BIN1: variants seen among roughly 807,000 people sequenced by gnomAD.
BIN1 encodes the protein myc box-dependent-interacting protein 1.
In BIN1, 53 loss-of-function variants were observed where a neutral mutation model predicts 82.0. The observed-to-expected ratio is 0.65, with a 90% CI of 0.52 to 0.81. The LOEUF (loss-of-function observed/expected upper bound fraction) is 0.81. BIN1 is among the 40% of genes least tolerant of loss of function. BIN1 has a pLI of 0.00. For missense variants in BIN1, 642 were observed against 784.4 expected, an observed-to-expected ratio of 0.82 and a Z score of 2.17; for synonymous variants, 302 against 328.0, an observed-to-expected ratio of 0.92 and a Z score of 0.86.
intron 18 of BIN1, among the ~76,000 whole-genome samples, chr2:127,049,378 A>G (rs1682587280): frequency 6.6e-6 from 1 of 152,026 alleles, no homozygotes; most frequent in African/African-American, 2.4e-5. Flanking sequence ...GGCTTAGGAG[A>G]AAGGGCCAAA....
rs1685447194 is a variant in BIN1 at position 127,068,499 on chromosome 2, GC to G, written c.520-245del. 1.3e-5 allele frequency among the ~76,000 whole-genome samples: 2 copies of G among 152,148 alleles called. No individual in the cohort carries two copies. Among genetic ancestry groups the G allele is most frequent in the South Asian group, 4.1e-4 (2 of 4,832 alleles). On this transcript the variant is annotated intron_variant, in intron 6 of 18. Coordinates refer to ENST00000316724, the MANE Select transcript of BIN1 (RefSeq NM_139343.3). The surrounding 1 kb of genome is among the most constrained non-coding windows in gnomAD (Gnocchi z 4.9). ...CAGCACAGGGGGCCCAGCAAGCACG[GC>G]CCTGCCCGGAGGACGGGGCCACCCC...
chr2:127,105,160 C>T (rs1297025340), intron 1 of BIN1, among the ~76,000 whole-genome samples: 1 of 152,192 alleles, frequency 6.6e-6, no homozygotes, highest in Admixed American at 6.5e-5. Context: ...ATCAAAGATG[C>T]TGCTGCAGAG....
chr2:127,092,986 TA>T (rs5834164), intron 1 of BIN1, among the ~76,000 whole-genome samples: 4,569 of 131,580 alleles, frequency 0.035, 172 homozygotes, highest in African/African-American at 0.093. Context: ...CCAATCCCTC[TA>T]AAAAAAAAAA....
At position 127,064,010 on chromosome 2, in the gene BIN1, C is replaced by A; in HGVS notation, c.621G>T (p.Glu207Asp). The part of the protein sequence containing the change: ...QTNLLRNQAE[E>D]ELIKAQKVFE... ...ACACCTTCTGGGCTTTGATGAGCTC[C>A]TCCTCGGCCTGGGGGGCAGCACGGG... Residue 207 changes from glutamate to aspartate, a missense_variant, in exon 8 of 19, where the codon GAG becomes GAT. By Grantham distance (45) the Glu-to-Asp change is conservative. Transcript: ENST00000316724. The A allele has an allele frequency of 6.2e-7, 1 of 1,613,908 alleles. No individual in the cohort carries two copies. The highest frequency in any genetic ancestry group is 8.5e-7 in the Non-Finnish European group (1 of 1,180,004).
intron 12 of BIN1, chr2:127,056,223 T>G (rs1477656674): frequency 6.6e-6 from 1 of 152,322 alleles, no homozygotes; most frequent in Non-Finnish European, 1.5e-5. Context: ...GCACACACAC[T>G]GGGCATCACC....
chr2:127,076,830 C>G, intron 1 of BIN1, 124 bp from the exon 2 acceptor site: 1 of 1,083,196 alleles, frequency 9.2e-7, no homozygotes, highest in Non-Finnish European at 1.4e-6. Flanking sequence ...ATCACCCAGC[C>G]CAGGGTGCCC....
chr2:127,054,499 A>G, intron 12 of BIN1: 1 of 171,180 alleles, frequency 5.8e-6, no homozygotes, highest in Non-Finnish European at 1.3e-5. Context: ...CCCGACTGGG[A>G]AAGTTCCAAA....
chr2:127,053,365 C>T (rs1683212147), intron 14 of BIN1, 57 bp downstream of exon 14: 8 of 1,608,108 alleles, frequency 5.0e-6, no homozygotes, highest in Non-Finnish European at 6.0e-6. Flanking sequence ...TGGGCCTGGA[C>T]ACATACGGAA....
intron 4 of BIN1, 118 bp from the exon 5 acceptor site, chr2:127,070,208 A>G (rs1302472902): frequency 2.7e-5 from 22 of 818,282 alleles, no homozygotes; most frequent in Non-Finnish European, 4.3e-5. Flanking sequence ...GGCTTCTCAG[A>G]GCCTCAGTTT....
intron 16 of BIN1, 98 bp from the exon 17 acceptor site, chr2:127,051,010 G>A: frequency 6.7e-7 from 1 of 1,503,196 alleles, no homozygotes; most frequent in Non-Finnish European, 9.2e-7. Context: ...AAAGGTGTCT[G>A]CGCCTGGTGC....
intron 14 of BIN1, 88 bp from the exon 15 acceptor site, chr2:127,052,450 A>T: frequency 7.8e-7 from 1 of 1,277,992 alleles, no homozygotes; most frequent in Non-Finnish European, 1.1e-6. Context: ...ACAAGAGAAA[A>T]TGTCACCAGC....
chr2:127,070,838 C>T, intron 2 of BIN1, 22 bp from the exon 3 acceptor site: 1 of 1,608,406 alleles, frequency 6.2e-7, no homozygotes, highest in Non-Finnish European at 8.5e-7. Flanking sequence ...AGGACAAGGA[C>T]CAGGTCAGGG....
intron 1 of BIN1, among the ~76,000 whole-genome samples, chr2:127,088,930 G>A (rs1046971153): frequency 6.6e-6 from 1 of 152,104 alleles, no homozygotes; most frequent in Non-Finnish European, 1.5e-5. Context: ...GCCCTGAGGT[G>A]GACGGGAGGG....
chr2:127,052,721 G>A, intron 14 of BIN1: 1 of 338,032 alleles, frequency 3.0e-6, no homozygotes, highest in East Asian at 7.0e-5. Flanking sequence ...ATGCCCCAAG[G>A]GCGCCTGCAC....
chr2:127,096,981 G>A (rs1006272732), intron 1 of BIN1, among the ~76,000 whole-genome samples: 3 of 152,176 alleles, frequency 2.0e-5, no homozygotes, highest in Non-Finnish European at 4.4e-5. Flanking sequence ...CACAGGCCTG[G>A]TGGAAACCCC....
intron 15 of BIN1, among the ~76,000 whole-genome samples, chr2:127,051,707 C>T (rs569919042): frequency 3.3e-5 from 5 of 152,326 alleles, no homozygotes; most frequent in South Asian, 2.1e-4. Flanking sequence ...GCAGGTGGTG[C>T]GGTGCAGCCT....
intron 1 of BIN1, among the ~76,000 whole-genome samples, chr2:127,087,061 A>G (rs1188639243): frequency 1.3e-5 from 2 of 152,218 alleles, no homozygotes; most frequent in Non-Finnish European, 1.5e-5. Context: ...TTTGTGAAAT[A>G]CTGGTGAGAG....
rs376069831 is a variant in BIN1 at position 127,068,137 on chromosome 2, C to T, written c.612+26G>A. On this transcript the variant is annotated intron_variant, in intron 7 of 18. Transcript: ENST00000316724. The surrounding 1 kb of genome is among the most constrained non-coding windows in gnomAD (Gnocchi z 4.9). ...GACGACAGACCGGAAGGCGCCAGCA[C>T]GTGCAAGGTTAGAAGCCAGTGTCAC... 1.7e-4 allele frequency: 275 copies of T among 1,605,604 alleles called. No homozygotes were observed. The highest frequency in any genetic ancestry group is 2.8e-4 in the African/African-American group (21 of 74,668).
Position 127,059,286 on chromosome 2 carries a change from G to A in BIN1, c.858-131C>T, listed in dbSNP as rs1313026749. 5.8e-6 allele frequency: 6 copies of A among 1,029,072 alleles called. No homozygotes were observed. Among genetic ancestry groups the A allele is most frequent in the African/African-American group, 4.8e-5 (3 of 62,956 alleles). 63.7% of individuals were successfully genotyped at this position (1,029,072 alleles called of 1,614,324 possible). On this transcript the variant is annotated intron_variant, in intron 10 of 18. Coordinates refer to ENST00000316724, the MANE Select transcript of BIN1 (RefSeq NM_139343.3). The surrounding 1 kb of genome is among the most constrained non-coding windows in gnomAD (Gnocchi z 6.7). ...GGTGTGAAACTGTGTGTGTGTGTGTGTGTGTGTATGTGAGAGAGAGCAGGA... is the reference window on the plus strand; with the variant it reads ...GGTGTGAAACTGTGTGTGTGTGTGTATGTGTGTATGTGAGAGAGAGCAGGA...
Sources: allele counts gnomAD v4.1 joint callset (sites outside exome capture counted in the v4.1 genomes callset), GRCh38; gene constraint gnomAD v4.1.1; non-coding constraint Gnocchi (gnomAD v3.1); transcripts MANE v1.5; gene names NCBI Gene and HGNC (gene_info 2026-07-23, HGNC 2026-07-21).